Variants in GRM7 observed in about 807,000 individuals in gnomAD.
The protein encoded by GRM7 is glutamate metabotropic receptor 7.
A neutral mutation model predicts 84.5 loss-of-function variants in GRM7; 35 were observed. That is an observed-to-expected ratio of 0.41 (90% CI 0.32 to 0.55). GRM7 has a LOEUF of 0.55. Among genes scored for constraint, GRM7 ranks in the 20% least tolerant of loss-of-function variants. The probability of loss-of-function intolerance (pLI) is 0.19; values close to 1 mark genes in which losing one functional copy is unlikely to be tolerated. For missense variants in GRM7, 1,003 were observed against 1,194.6 expected (o/e 0.84, Z 2.36); for synonymous variants, 487 against 455.1 (o/e 1.07, Z -0.89).
At chr3:7,269,452 C>T (rs550437393) in intron 2 of GRM7, among the ~76,000 whole-genome samples, 11 of 152,262 alleles carry the variant, frequency 7.2e-5, no homozygotes, top group East Asian at 3.9e-4. Context: ...GAACCCCCCC[C>T]CCAGAGAGCA....
chr3:7,163,075 T>A (rs1369029599), intron 2 of GRM7, among the ~76,000 whole-genome samples: 1 of 151,962 alleles, frequency 6.6e-6, no homozygotes, highest in African/African-American at 2.4e-5. Flanking sequence ...TTCTAGTTTT[T>A]TCTACTCCTT....
chr3:7,140,633 A>G (rs1693916676), intron 1 of GRM7, among the ~76,000 whole-genome samples: 1 of 152,084 alleles, frequency 6.6e-6, no homozygotes, highest in African/African-American at 2.4e-5. Flanking sequence ...ATGATGTTTC[A>G]CACATGGGAA....
At chr3:6,904,719 G>T (rs532567979) in intron 1 of GRM7, among the ~76,000 whole-genome samples, 1 of 151,130 alleles carries the variant, frequency 6.6e-6, no homozygotes, top group African/African-American at 2.4e-5. Flanking sequence ...ACTTCCTTAT[G>T]TGTGTTTTTT....
intron 2 of GRM7, among the ~76,000 whole-genome samples, chr3:7,198,583 A>C (rs912237215): frequency 6.6e-6 from 1 of 152,198 alleles, no homozygotes; most frequent in Non-Finnish European, 1.5e-5. Context: ...GACACCATAC[A>C]TTAGCCTAGC....
rs139784257 is a variant in GRM7, at chr3:7,024,005, C to T, written c.520-122447C>T. On this transcript the variant is annotated intron_variant, in intron 1 of 9. Transcript: ENST00000357716. ...GTTCTCTCCAGGCAGGCTCTGAAAT[C>T]TTATGGAAGAGGCGCAAACCAGGGC... is the stretch of plus-strand genomic sequence containing the variant. Among the ~76,000 whole-genome samples, 546 of 152,266 alleles carry T rather than the reference C, an allele frequency of 3.6e-3. 1 individual carries two copies. The highest frequency in any genetic ancestry group is 0.012 in the African/African-American group (514 of 41,550).
intron 9 of GRM7, among the ~76,000 whole-genome samples, chr3:7,687,461 A>G (rs901136674): frequency 6.6e-6 from 1 of 152,196 alleles, no homozygotes; most frequent in Non-Finnish European, 1.5e-5. Flanking sequence ...ATTCCAAACT[A>G]TGGAAAAATA....
chr3:6,945,088 T>C (rs745937555), intron 1 of GRM7, among the ~76,000 whole-genome samples: 5 of 152,174 alleles, frequency 3.3e-5, no homozygotes, highest in Non-Finnish European at 5.9e-5. Flanking sequence ...ATACTTTAAG[T>C]TTTAGGGTAC....
At chr3:7,336,093 A>G (rs892478170) in intron 4 of GRM7, among the ~76,000 whole-genome samples, 7 of 133,210 alleles carry the variant, frequency 5.3e-5, no homozygotes, top group African/African-American at 2.2e-4. Flanking sequence ...GAACGTAACA[A>G]AAAAAAACAC....
chr3:7,648,041 A>G (rs916819673), intron 8 of GRM7, among the ~76,000 whole-genome samples: 1 of 152,140 alleles, frequency 6.6e-6, no homozygotes, highest in Non-Finnish European at 1.5e-5. Flanking sequence ...TGCATTTTAC[A>G]ACAATGCCCC....
At position 7,269,266 on chromosome 3, in the gene GRM7, T is replaced by A. The variant is rs192470319; in HGVS notation, c.737-29418T>A. ...CCTTTCCAATGTGAGCAGACGAAAT[T>A]TAAACAAGAAAGCCAAAGTGGTCAC... On this transcript the variant is annotated intron_variant, in intron 2 of 9. Coordinates refer to ENST00000357716, the MANE Select transcript of GRM7 (RefSeq NM_000844.4). 1.1e-3 allele frequency among the ~76,000 whole-genome samples: 164 copies of A among 152,300 alleles called. 2 individuals are homozygous for A. The highest frequency in any genetic ancestry group is 3.2e-3 in the African/African-American group (133 of 41,572).
intron 4 of GRM7, among the ~76,000 whole-genome samples, chr3:7,377,977 A>G (rs964176693): frequency 3.9e-5 from 6 of 152,126 alleles, no homozygotes; most frequent in African/African-American, 7.2e-5. Context: ...TGTGCCTTTC[A>G]TTTCCCAGAA....
Position 6,932,135 on chromosome 3 carries a change from T to C in GRM7, c.519+70228T>C, listed in dbSNP as rs554646141. Among the ~76,000 whole-genome samples, 6 of 152,362 alleles carry C rather than the reference T, an allele frequency of 3.9e-5. No homozygotes were observed. The East Asian group carries it at 1.2e-3, about 29-fold the overall frequency. On this transcript the variant is annotated intron_variant, in intron 1 of 9. Transcript: ENST00000357716. The stretch of plus-strand genomic sequence containing the variant: ...CAACAACTGCTCTCTATTTGAATGT[T>C]ATGTTCTACCATTGAAGTTTTATTT...
chr3:6,871,742 T>C (rs1695128106), intron 1 of GRM7, among the ~76,000 whole-genome samples: 1 of 152,146 alleles, frequency 6.6e-6, no homozygotes, highest in South Asian at 2.1e-4. Context: ...ATGTAAGCTA[T>C]ATTTTAATTG....
At chr3:7,109,630 G>A (rs993528909) in intron 1 of GRM7, among the ~76,000 whole-genome samples, 21 of 152,100 alleles carry the variant, frequency 1.4e-4, no homozygotes, top group African/African-American at 4.6e-4. Flanking sequence ...TTCCGGTCCA[G>A]CATGGAAGAA....
intron 7 of GRM7, among the ~76,000 whole-genome samples, chr3:7,567,022 A>T (rs1226213964): frequency 1.3e-5 from 2 of 152,178 alleles, no homozygotes; most frequent in Non-Finnish European, 2.9e-5. Flanking sequence ...TCATTTAGGG[A>T]GAACTACAAT....
intron 7 of GRM7, among the ~76,000 whole-genome samples, chr3:7,472,465 A>T (rs922531419): frequency 6.6e-6 from 1 of 152,248 alleles, no homozygotes; most frequent in African/African-American, 2.4e-5. Context: ...TCTAGATTCA[A>T]CGATAAACAT....
chr3:6,869,568 C>CATCTATCTATCTATCTATCTATCTATCT (rs1434542087), intron 1 of GRM7, among the ~76,000 whole-genome samples: 3 of 62,576 alleles, frequency 4.8e-5, no homozygotes, highest in South Asian at 4.3e-4. Context: ...GTATAATTTA[C>CATCTATCTATCTATCTATCTATCTATCT]ATCTATCTAT....
intron 1 of GRM7, among the ~76,000 whole-genome samples, chr3:6,884,804 T>C (rs1192509489): frequency 6.6e-6 from 1 of 152,232 alleles, no homozygotes; most frequent in East Asian, 1.9e-4. Flanking sequence ...TTCACCATGT[T>C]ATCCAGGCTG....
chr3:6,937,262 C>T (rs1042030335), intron 1 of GRM7, among the ~76,000 whole-genome samples: 4 of 152,174 alleles, frequency 2.6e-5, no homozygotes, highest in Non-Finnish European at 5.9e-5. Context: ...GGGAATTCCA[C>T]CTCATCAGAA....
Sources: gnomAD v4.1 joint callset for allele counts (sites outside exome capture counted in the v4.1 genomes callset) on GRCh38, gnomAD v4.1.1 for gene constraint, MANE v1.5 for transcripts, NCBI Gene and HGNC (gene_info 2026-07-23, HGNC 2026-07-21) for gene names.